Variants in FBXL17 observed in about 807,000 individuals in gnomAD.
FBXL17 encodes F-box and leucine rich repeat protein 17.
FBXL17 carries 22 observed loss-of-function variants against 66.2 expected under a neutral mutation model. The observed-to-expected ratio is 0.33, with a 90% CI of 0.24 to 0.47. The LOEUF (loss-of-function observed/expected upper bound fraction) is 0.47, where lower values mean the gene tolerates loss of function less well. Ranked by LOEUF, FBXL17 falls within the 20% of genes least tolerant of loss-of-function variation. The pLI is 1.00. For missense variants in FBXL17, 878 were observed against 948.2 expected (o/e 0.93, Z 0.97); for synonymous variants, 474 against 400.5 (o/e 1.18, Z -2.19).
At chr5:108,137,083 T>C (rs1221917574) in intron 6 of FBXL17, among the ~76,000 whole-genome samples, 3 of 152,226 alleles carry the variant, frequency 2.0e-5, no homozygotes, top group Non-Finnish European at 4.4e-5. Flanking sequence ...TATAGTATTA[T>C]CAAAGTTGCC....
intron 6 of FBXL17, among the ~76,000 whole-genome samples, chr5:108,182,665 A>T (rs1479808670): frequency 4.3e-4 from 65 of 152,310 alleles, no homozygotes; most frequent in Non-Finnish European, 7.6e-4. Flanking sequence ...TATATTTAGG[A>T]TCAAACACCA....
chr5:107,942,955 T>C (rs1751161421), intron 7 of FBXL17, among the ~76,000 whole-genome samples: 1 of 145,428 alleles, frequency 6.9e-6, no homozygotes, highest in Non-Finnish European at 1.5e-5. Flanking sequence ...CAATGGACAC[T>C]TTTCAGGTCC....
intron 8 of FBXL17, chr5:107,879,427 G>A (rs992624279): frequency 2.0e-6 from 2 of 985,296 alleles, no homozygotes; most frequent in African/African-American, 3.5e-5. Context: ...GTTGGTTAGT[G>A]GAAAGATTTG....
chr5:108,218,956 T>C (rs1438268808), intron 5 of FBXL17, among the ~76,000 whole-genome samples: 3 of 152,198 alleles, frequency 2.0e-5, no homozygotes, highest in African/African-American at 7.2e-5. Flanking sequence ...TTGATTTATT[T>C]TGAGTGCCTA....
intron 4 of FBXL17, among the ~76,000 whole-genome samples, chr5:108,290,979 G>A (rs1580755032): frequency 6.6e-6 from 1 of 152,152 alleles, no homozygotes; most frequent in East Asian, 1.9e-4. Flanking sequence ...CTGCAGAAGT[G>A]GAAACAAAGA....
chr5:108,328,210 A>T (rs1759950098), intron 4 of FBXL17, among the ~76,000 whole-genome samples: 1 of 152,178 alleles, frequency 6.6e-6, no homozygotes, highest in Non-Finnish European at 1.5e-5. Flanking sequence ...GACCAAGTAT[A>T]TAGTATTGAA....
intron 4 of FBXL17, chr5:108,299,840 G>A (rs1311412595): frequency 2.0e-6 from 2 of 984,322 alleles, no homozygotes; most frequent in African/African-American, 3.5e-5. Context: ...TCGAGAATCT[G>A]AAAAAAAGGG....
chr5:108,147,577 G>T (rs368328846), intron 6 of FBXL17, among the ~76,000 whole-genome samples: 1 of 152,128 alleles, frequency 6.6e-6, no homozygotes, highest in African/African-American at 2.4e-5. Flanking sequence ...TATATGTAGA[G>T]GGAAATAACA....
intron 7 of FBXL17, among the ~76,000 whole-genome samples, chr5:107,973,354 A>ATTTTTTTTTTTT (rs200079422): frequency 5.0e-5 from 6 of 120,438 alleles, no homozygotes; most frequent in South Asian, 2.6e-4. Context: ...TTTTTTTGTA[A>ATTTTTTTTTTTT]TTTTTTTTTT....
chr5:108,023,937 C>T (rs1468047641), intron 6 of FBXL17, among the ~76,000 whole-genome samples: 1 of 152,134 alleles, frequency 6.6e-6, no homozygotes, highest in Non-Finnish European at 1.5e-5. Context: ...TCTTCATCAC[C>T]TTTCTTACAG....
At chr5:107,957,770 T>TAAAA (rs1751720931) in intron 7 of FBXL17, among the ~76,000 whole-genome samples, 1 of 152,102 alleles carries the variant, frequency 6.6e-6, no homozygotes, top group East Asian at 1.9e-4. Context: ...AGGCCATAAT[T>TAAAA]TGTACATATT....
chr5:107,999,316 C>T lies in FBXL17; in HGVS notation c.1822+21609G>A, dbSNP rs181252064. 4.8e-3 allele frequency among the ~76,000 whole-genome samples: 731 copies of T among 152,130 alleles called. 6 individuals are homozygous for T. The highest frequency in any genetic ancestry group is 0.017 in the African/African-American group (697 of 41,508). On this transcript the variant is annotated intron_variant, in intron 7 of 8. Coordinates refer to ENST00000542267, the MANE Select transcript of FBXL17 (RefSeq NM_001163315.3). ...TGACTGAGAGCATTATGCCTTTTAC[C>T]CTCCATATCTTAGGCACTAGCCATG...
intron 4 of FBXL17, among the ~76,000 whole-genome samples, chr5:108,307,130 T>C (rs1026203781): frequency 1.3e-5 from 2 of 152,112 alleles, no homozygotes; most frequent in Admixed American, 6.6e-5. Flanking sequence ...CTGGTATTTA[T>C]GGTGATGAAT....
At chr5:108,355,277 T>C (rs545127107) in intron 3 of FBXL17, among the ~76,000 whole-genome samples, 1 of 141,254 alleles carries the variant, frequency 7.1e-6, no homozygotes. Context: ...TATTTATTTA[T>C]TTATTTATTT....
At chr5:108,302,781 C>T (rs963369388) in intron 4 of FBXL17, among the ~76,000 whole-genome samples, 5 of 151,718 alleles carry the variant, frequency 3.3e-5, no homozygotes, top group African/African-American at 9.7e-5. Flanking sequence ...TATAGATACG[C>T]CTCATTTTCT....
At chr5:108,003,687 T>C (rs1753821788) in intron 7 of FBXL17, among the ~76,000 whole-genome samples, 1 of 152,108 alleles carries the variant, frequency 6.6e-6, no homozygotes, top group South Asian at 2.1e-4. Flanking sequence ...AGTACAAAGA[T>C]GATCACTGAA....
chr5:107,864,178 A>C (rs1223191990), intron 8 of FBXL17, among the ~76,000 whole-genome samples: 2 of 152,196 alleles, frequency 1.3e-5, no homozygotes, highest in African/African-American at 4.8e-5. Context: ...CCCACCATAC[A>C]GTAGCTCTCA....
At chr5:108,357,746 A>C (rs1748094046) in intron 3 of FBXL17, among the ~76,000 whole-genome samples, 1 of 152,080 alleles carries the variant, frequency 6.6e-6, no homozygotes, top group African/African-American at 2.4e-5. Flanking sequence ...TTATACTTTA[A>C]GTTCTAGGGT....
At chr5:108,355,365 T>A (rs771049643) in intron 3 of FBXL17, among the ~76,000 whole-genome samples, 2 of 151,928 alleles carry the variant, frequency 1.3e-5, no homozygotes, top group Non-Finnish European at 2.9e-5. Flanking sequence ...CTTGGCTCAC[T>A]GCAACCTCCG....
Sources: allele counts gnomAD v4.1 joint callset (sites outside exome capture counted in the v4.1 genomes callset), GRCh38; gene constraint gnomAD v4.1.1; transcripts MANE v1.5; gene names NCBI Gene and HGNC (gene_info 2026-07-23, HGNC 2026-07-21).